The following GNS variants were observed in gnomAD, a reference collection of about 807,000 sequenced individuals.
GNS encodes glucosamine (N-acetyl)-6-sulfatase.
In GNS, 40 loss-of-function variants were observed where a neutral mutation model predicts 69.7. That is an observed-to-expected ratio of 0.57 (90% CI 0.45 to 0.75). The LOEUF is 0.75. GNS is among the 30% of genes least tolerant of loss of function. The probability of loss-of-function intolerance (pLI) is 0.00; values close to 1 mark genes in which losing one functional copy is unlikely to be tolerated. For synonymous variants in GNS, 243 were observed against 251.6 expected, an observed-to-expected ratio of 0.97 and a Z score of 0.32; for missense variants, 565 against 685.5, an observed-to-expected ratio of 0.82 and a Z score of 1.96.
At chr12:64,722,157 A>G (rs1869050543) in intron 11 of GNS, among the ~76,000 whole-genome samples, 3 of 151,664 alleles carry the variant, frequency 2.0e-5, no homozygotes, top group Non-Finnish European at 4.4e-5. Context: ...CCTGAGTAGC[A>G]CAGGCATGCA....
intron 6 of GNS, among the ~76,000 whole-genome samples, chr12:64,741,023 C>G (rs1161535100): frequency 1.3e-5 from 2 of 152,098 alleles, no homozygotes; most frequent in East Asian, 3.9e-4. Flanking sequence ...CAACTCTGAT[C>G]TTATGCCTTT....
At chr12:64,758,190 A>C (rs1250597781) in intron 1 of GNS, among the ~76,000 whole-genome samples, 5 of 152,128 alleles carry the variant, frequency 3.3e-5, no homozygotes, top group Non-Finnish European at 7.3e-5. Context: ...AAACACTGAC[A>C]GTCTCTAATG....
At chr12:64,725,236 C>T (rs1869158488) in intron 10 of GNS, among the ~76,000 whole-genome samples, 1 of 152,170 alleles carries the variant, frequency 6.6e-6, no homozygotes, top group South Asian at 2.1e-4. Context: ...AGAGTAAATA[C>T]TTAGGCTCCT....
At chr12:64,717,682 G>T (rs1035451644) in intron 13 of GNS, among the ~76,000 whole-genome samples, 1 of 152,094 alleles carries the variant, frequency 6.6e-6, no homozygotes, top group Non-Finnish European at 1.5e-5. Context: ...TCTTCTATCT[G>T]TGAAATCATG....
chr12:64,747,367 T>C (rs556562497), intron 3 of GNS, among the ~76,000 whole-genome samples: 2 of 152,186 alleles, frequency 1.3e-5, no homozygotes, highest in Non-Finnish European at 2.9e-5. Context: ...AAAGATACCA[T>C]GACAGCCACA....
In GNS at chr12:64,744,878, G is replaced by T; in HGVS notation, c.555C>A (p.Thr185=). The change falls in exon 5 of 14, where the codon ACC becomes ACA. Residue 185 remains threonine (T), a synonymous_variant. Transcript: ENST00000258145. Reference sequence around the variant, plus strand: ...TCCGTGCCTTCCCATTGATAGACAGGGTGTAATTATAATACTTAGAATTCT... The same window carrying T: ...TCCGTGCCTTCCCATTGATAGACAGTGTGTAATTATAATACTTAGAATTCT... ...LEKNSKYYNY[T]LSINGKARKH... 6.5e-7 allele frequency: 1 copy of T among 1,526,956 alleles called. No homozygotes were observed. The highest frequency in any genetic ancestry group is 9.1e-7 in the Non-Finnish European group (1 of 1,100,590). The allele number at this position is 1,526,956 out of a possible 1,614,324, so 94.6% of individuals were successfully genotyped here.
intron 1 of GNS, among the ~76,000 whole-genome samples, chr12:64,757,745 T>C (rs1371198027): frequency 1.3e-5 from 2 of 152,230 alleles, no homozygotes; most frequent in African/African-American, 4.8e-5. Context: ...CCTTTTCTAT[T>C]CTATTCTATT....
intron 3 of GNS, among the ~76,000 whole-genome samples, chr12:64,746,945 CAGAT>C (rs1275943730): frequency 6.6e-6 from 1 of 152,198 alleles, no homozygotes; most frequent in African/African-American, 2.4e-5. Flanking sequence ...CTAGCAACTA[CAGAT>C]AAAGAGCATA....
intron 6 of GNS, among the ~76,000 whole-genome samples, chr12:64,741,919 G>A (rs1390942168): frequency 6.6e-6 from 1 of 152,082 alleles, no homozygotes; most frequent in Non-Finnish European, 1.5e-5. Flanking sequence ...CTTGACCATG[G>A]GAACTTTTTA....
intron 9 of GNS, among the ~76,000 whole-genome samples, chr12:64,734,882 C>G (rs1001742883): frequency 1.3e-5 from 2 of 152,174 alleles, no homozygotes; most frequent in Admixed American, 6.5e-5. Flanking sequence ...GCAGGCAGAT[C>G]ATGAGGTCAG....
intron 1 of GNS, among the ~76,000 whole-genome samples, chr12:64,758,883 T>TA (rs1247329246): frequency 6.6e-6 from 1 of 152,188 alleles, no homozygotes; most frequent in African/African-American, 2.4e-5. Context: ...CTGTGTGCTG[T>TA]ACGCATGTGC....
chr12:64,720,120 G>A lies in GNS; in HGVS notation c.1482C>T (p.Thr494=), dbSNP rs773602473. ...TCTTTCCTAAAAGCTCTGGGTCTAT[G>A]GTTTTAGCAATGTTAGTGATCTGGT... The part of the protein sequence containing the change: ...DPDQITNIAK[T]IDPELLGKMN... The change falls in exon 13 of 14, where the codon ACC becomes ACT. Residue 494 remains threonine (T), a synonymous_variant. Coordinates refer to ENST00000258145, the MANE Select transcript of GNS (RefSeq NM_002076.4). 1.9e-6 allele frequency: 3 copies of A among 1,606,392 alleles called. No homozygotes were observed. The highest frequency in any genetic ancestry group is 2.7e-5 in the African/African-American group (2 of 74,732).
At chr12:64,725,410 G>A (rs746996702) in intron 10 of GNS, among the ~76,000 whole-genome samples, 2 of 152,204 alleles carry the variant, frequency 1.3e-5, no homozygotes, top group Non-Finnish European at 2.9e-5. Flanking sequence ...TAGTCCAGCA[G>A]AACTTTCTGG....
intron 1 of GNS, among the ~76,000 whole-genome samples, chr12:64,757,462 T>C (rs557649085): frequency 2.6e-5 from 4 of 152,266 alleles, no homozygotes; most frequent in African/African-American, 4.8e-5. Flanking sequence ...GACAAGTAAG[T>C]GCAGTAGTTG....
chr12:64,734,393 T>C (rs1229791862), intron 9 of GNS, among the ~76,000 whole-genome samples: 3 of 152,078 alleles, frequency 2.0e-5, no homozygotes, highest in South Asian at 2.1e-4. Context: ...TGGGAACATA[T>C]AGGAAGGGGC....
rs184167635 is a variant in GNS, at chr12:64,740,785, C to T, written c.793-97G>A. 958 of 722,420 alleles carry T rather than the reference C, an allele frequency of 1.3e-3. 4 individuals are homozygous for T. Among genetic ancestry groups the T allele is most frequent in the Middle Eastern group, 5.1e-3 (15 of 2,960 alleles). 44.8% of individuals were successfully genotyped at this position (722,420 alleles called of 1,614,324 possible). A position where few individuals can be genotyped will look rare whatever the true frequency, so the allele number is the denominator to read the frequency against. On this transcript the variant is annotated intron_variant, in intron 6 of 13. Coordinates refer to ENST00000258145, the MANE Select transcript of GNS (RefSeq NM_002076.4). Reference sequence around the variant, plus strand: ...AGATAATAAATAGAACCGTTTCACTCATACTTCAGCAAGAAGGAACTAACT... The same window carrying T: ...AGATAATAAATAGAACCGTTTCACTTATACTTCAGCAAGAAGGAACTAACT...
intron 2 of GNS, among the ~76,000 whole-genome samples, chr12:64,751,951 CAAAA>C (rs570528616): frequency 7.7e-5 from 5 of 64,806 alleles, no homozygotes; most frequent in Admixed American, 5.5e-4. Flanking sequence ...TTGCGCCACT[CAAAA>C]AAAAAAAAAA....
At position 64,743,315 on chromosome 12, in the gene GNS, C is replaced by T; in HGVS notation, c.625-7G>A. On this transcript the variant is annotated splice_region_variant and splice_polypyrimidine_tract_variant and intron_variant, in intron 5 of 13. Coordinates refer to ENST00000258145, the MANE Select transcript of GNS (RefSeq NM_002076.4). ...AGTCCAAGGAGACATTAGCCTGACA[C>T]ATAAAAAGATTTGTCATCTCCTACC... The T allele has an allele frequency of 6.2e-7, 1 of 1,603,364 alleles. No homozygotes were observed. The highest frequency in any genetic ancestry group is 8.5e-7 in the Non-Finnish European group (1 of 1,170,310).
Position 64,723,100 on chromosome 12 carries a change from T to C in GNS, c.1214A>G (p.Asn405Ser), listed in dbSNP as rs1869084105. 1 of 1,601,068 alleles carries C rather than the reference T, an allele frequency of 6.2e-7. No individual in the cohort carries two copies. The change falls in exon 11 of 14, where the codon AAC (asparagine) becomes AGC (serine). Residue 405 changes from asparagine (N) to serine (S), a missense_variant. Transcript: ENST00000258145. Reference sequence around the variant, plus strand: ...CAGGACATCTGATCGCCAGGTCAAGTTACTGGCACCTCTCTAGAAAGAAGA... The same window carrying C: ...CAGGACATCTGATCGCCAGGTCAAGCTACTGGCACCTCTCTAGAAAGAAGA... ...SLLPILRGAS[N>S]LTWRSDVLVE...
Sources: allele counts gnomAD v4.1 joint callset (sites outside exome capture counted in the v4.1 genomes callset), GRCh38; gene constraint gnomAD v4.1.1; transcripts MANE v1.5; gene names NCBI Gene and HGNC (gene_info 2026-07-23, HGNC 2026-07-21).